The following OXSR1 variants were observed in gnomAD, a reference collection of about 807,000 sequenced individuals.
The protein encoded by OXSR1 is oxidative stress responsive kinase 1, also known as serine/threonine-protein kinase OSR1.
OXSR1 carries 24 observed loss-of-function variants against 79.8 expected under a neutral mutation model. The ratio of observed to expected loss-of-function variants is 0.30; its 90% CI spans 0.22 to 0.42. The LOEUF (loss-of-function observed/expected upper bound fraction) is 0.42. Among genes scored for constraint, OXSR1 ranks in the 10% least tolerant of loss-of-function variants. The pLI, the probability that OXSR1 is intolerant of heterozygous loss-of-function variation, is 1.00. For synonymous variants in OXSR1, 226 were observed against 209.2 expected (o/e 1.08, Z -0.69); for missense variants, 430 against 618.4 (o/e 0.70, Z 3.23).
chr3:38,178,842 A>AT (rs1701727135), intron 1 of OXSR1, among the ~76,000 whole-genome samples: 1 of 151,362 alleles, frequency 6.6e-6, no homozygotes, highest in African/African-American at 2.4e-5. Context: ...ACTTGAAAGG[A>AT]TTTTTAAATA....
intron 10 of OXSR1, among the ~76,000 whole-genome samples, chr3:38,233,893 C>G (rs1390332490): frequency 4.0e-5 from 6 of 150,590 alleles, no homozygotes; most frequent in Admixed American, 4.0e-4. Flanking sequence ...GCCTGGGTGA[C>G]AGAGCAAGAC....
chr3:38,238,812 G>C (rs1702970443), intron 11 of OXSR1, among the ~76,000 whole-genome samples: 1 of 151,860 alleles, frequency 6.6e-6, no homozygotes, highest in Non-Finnish European at 1.5e-5. Flanking sequence ...TCTTGTGCTT[G>C]GGGTTTGTTG....
At chr3:38,166,434 C>A (rs750008256) in intron 1 of OXSR1, among the ~76,000 whole-genome samples, 2 of 152,050 alleles carry the variant, frequency 1.3e-5, no homozygotes, top group African/African-American at 4.8e-5. Flanking sequence ...AACCGAGACC[C>A]AACTTACGAC....
rs199875833 is a variant in OXSR1, at chr3:38,216,092, A to T, written c.435-4A>T. On this transcript the variant is annotated splice_region_variant and splice_polypyrimidine_tract_variant and intron_variant, in intron 4 of 17. Transcript: ENST00000311806. ...GATACATAACTTTTTTTTTTTTTTT[A>T]AAGAGATGTGAAAGCTGGAAACATT... 952 of 1,370,750 alleles carry T rather than the reference A, an allele frequency of 6.9e-4. No homozygotes were observed. Among genetic ancestry groups the T allele is most frequent in the Admixed American group, 1.2e-3 (57 of 47,708 alleles). The allele number at this position is 1,370,750 out of a possible 1,614,324, so 84.9% of individuals were successfully genotyped here.
At chr3:38,187,733 CTTTA>C (rs1275061330) in intron 2 of OXSR1, among the ~76,000 whole-genome samples, 1 of 152,022 alleles carries the variant, frequency 6.6e-6, no homozygotes, top group Non-Finnish European at 1.5e-5. Flanking sequence ...GTGGAATTCA[CTTTA>C]TTTATTTATT....
At chr3:38,230,232 G>A in intron 9 of OXSR1, 133 bp from the exon 10 acceptor site, 1 of 669,894 alleles carries the variant, frequency 1.5e-6, no homozygotes. Flanking sequence ...CAGAGTGAAA[G>A]AATGAAAGTT....
intron 1 of OXSR1, among the ~76,000 whole-genome samples, chr3:38,180,557 A>G (rs1701765417): frequency 7.7e-6 from 1 of 130,420 alleles, no homozygotes; most frequent in Non-Finnish European, 1.6e-5. Context: ...TTTGAGACAG[A>G]GTATCACTGT....
intron 5 of OXSR1, among the ~76,000 whole-genome samples, chr3:38,218,072 C>T (rs1702519508): frequency 6.6e-6 from 1 of 152,146 alleles, no homozygotes; most frequent in Non-Finnish European, 1.5e-5. Context: ...CTGCTGTGAA[C>T]ACGAGTGTCC....
intron 5 of OXSR1, among the ~76,000 whole-genome samples, chr3:38,219,779 A>AGATGATGATGATGATGATGATGAT (rs3058799): frequency 6.7e-6 from 1 of 148,250 alleles, no homozygotes; most frequent in Non-Finnish European, 1.5e-5. Flanking sequence ...AAAACTGTTA[A>AGATGATGATGATGATGATGATGAT]GATGATGATG....
intron 4 of OXSR1, among the ~76,000 whole-genome samples, chr3:38,208,943 A>G (rs1702322714): frequency 2.0e-5 from 3 of 149,222 alleles, no homozygotes; most frequent in South Asian, 2.2e-4. Context: ...TTATTCTAAG[A>G]GTAACCCAGT....
chr3:38,197,321 G>A (rs1436102181), intron 3 of OXSR1, among the ~76,000 whole-genome samples: 1 of 152,208 alleles, frequency 6.6e-6, no homozygotes, highest in Non-Finnish European at 1.5e-5. Context: ...GCAAGCCTCC[G>A]GGGAGGAATA....
rs185836948 is a variant in OXSR1 at position 38,242,881 on chromosome 3, A to G, written c.1110+103A>G. The G allele has an allele frequency of 3.4e-5, 22 of 646,490 alleles. No individual in the cohort carries two copies. In the Admixed American group the frequency reaches 4.9e-4, roughly 14 times the overall value. The allele number at this position is 646,490 out of a possible 1,614,324, so 40.0% of individuals were successfully genotyped here. A position where few individuals can be genotyped will look rare whatever the true frequency, so the allele number is the denominator to read the frequency against. On this transcript the variant is annotated intron_variant, in intron 12 of 17. Transcript: ENST00000311806. ...TGTGCATATGTATGCTTAAATGGGA[A>G]TGCAACTTTATACCAATCGAATTTT... is the stretch of plus-strand genomic sequence containing the variant.
intron 10 of OXSR1, among the ~76,000 whole-genome samples, chr3:38,231,241 G>A (rs1702800245): frequency 6.6e-6 from 1 of 152,022 alleles, no homozygotes; most frequent in Non-Finnish European, 1.5e-5. Context: ...TTCTTAATAA[G>A]CACTGGTAAA....
In OXSR1 at chr3:38,224,692, A is replaced by C; in HGVS notation, c.824A>C (p.Asp275Ala). The change falls in exon 8 of 18, where the codon GAT (aspartate) becomes GCT (alanine). Residue 275 changes from aspartate to alanine, a missense_variant. Physicochemically the swap from Asp to Ala is moderately radical, Grantham distance 126. Coordinates refer to ENST00000311806, the MANE Select transcript of OXSR1 (RefSeq NM_005109.3). Reference protein sequence around the residue: ...RKMISLCLQKDPEKRPTAAEL... With the variant: ...RKMISLCLQKAPEKRPTAAEL... ...ATGATTTCATTGTGCCTTCAAAAAG[A>C]TCCAGAAAAAAGGTAAAATATGAGA... 6.4e-7 allele frequency: 1 copy of C among 1,563,270 alleles called. No individual in the cohort carries two copies. Among genetic ancestry groups the C allele is most frequent in the Non-Finnish European group, 8.7e-7 (1 of 1,153,628 alleles).
In OXSR1 at chr3:38,219,779, AGATGATGAT is replaced by A. The variant is rs3058799; in HGVS notation, c.491-1765_491-1757del. 2.0e-3 allele frequency among the ~76,000 whole-genome samples: 301 copies of A among 148,356 alleles called. 1 individual carries two copies. The highest frequency in any genetic ancestry group is 4.7e-3 in the African/African-American group (187 of 40,182). ...GGTTTAGGAGTATTGAAAACTGTTA[AGATGATGAT>A]GATGATGATGATGATGATGATGATG... On this transcript the variant is annotated intron_variant, in intron 5 of 17. Coordinates refer to ENST00000311806, the MANE Select transcript of OXSR1 (RefSeq NM_005109.3).
At chr3:38,209,668 T>C (rs1702345545) in intron 4 of OXSR1, among the ~76,000 whole-genome samples, 1 of 149,400 alleles carries the variant, frequency 6.7e-6, no homozygotes. Context: ...GGAGTCTCGC[T>C]CTGTCGCCCA....
At chr3:38,231,786 T>C (rs1350052707) in intron 10 of OXSR1, among the ~76,000 whole-genome samples, 1 of 152,236 alleles carries the variant, frequency 6.6e-6, no homozygotes, top group East Asian at 1.9e-4. Flanking sequence ...GAGATACGTG[T>C]TGATTTATAT....
chr3:38,251,315 A>T, intron 15 of OXSR1, 88 bp from the exon 16 acceptor site: 5 of 1,068,952 alleles, frequency 4.7e-6, no homozygotes, highest in South Asian at 1.3e-5. Flanking sequence ...TGGGCCTAGC[A>T]TGGCACACTG....
At chr3:38,199,349 G>A (rs1450516044) in intron 4 of OXSR1, among the ~76,000 whole-genome samples, 1 of 148,538 alleles carries the variant, frequency 6.7e-6, no homozygotes, top group Non-Finnish European at 1.5e-5. Context: ...CTGCAACCTC[G>A]AACTCCTGGG....
Sources: gnomAD v4.1 joint callset for allele counts (sites outside exome capture counted in the v4.1 genomes callset) on GRCh38, gnomAD v4.1.1 for gene constraint, MANE v1.5 for transcripts, NCBI Gene and HGNC (gene_info 2026-07-23, HGNC 2026-07-21) for gene names.